The following UTP6 variants were observed in gnomAD, a reference collection of about 807,000 sequenced individuals.
UTP6 encodes the protein U3 small nucleolar RNA-associated protein 6 homolog.
In UTP6, 60 loss-of-function variants were observed where a neutral mutation model predicts 96.5. That is an observed-to-expected ratio of 0.62 (90% CI 0.51 to 0.77). The LOEUF (loss-of-function observed/expected upper bound fraction) is 0.77, where lower values mean the gene tolerates loss of function less well. Ranked by LOEUF, UTP6 falls within the 30% of genes least tolerant of loss-of-function variation. The pLI, the probability that UTP6 is intolerant of heterozygous loss-of-function variation, is 0.00. For missense variants in UTP6, 637 were observed against 706.5 expected (o/e 0.90, Z 1.12); for synonymous variants, 215 against 240.1 (o/e 0.90, Z 0.96).
chr17:31,879,063 A>T (rs1482559636), intron 11 of UTP6, among the ~76,000 whole-genome samples: 1 of 152,186 alleles, frequency 6.6e-6, no homozygotes, highest in Non-Finnish European at 1.5e-5. Flanking sequence ...CCTTTATTCT[A>T]CATTATTACA....
At position 31,868,133 on chromosome 17, in the gene UTP6, G is replaced by C. The variant is rs761434312; in HGVS notation, c.1497-21C>G. On this transcript the variant is annotated intron_variant, in intron 16 of 18. Transcript: ENST00000261708. ...GTAAACTAAAAAGGAAGGAGAAAAC[G>C]TTATCTTCAACAATGACAAAAAGCC... is the stretch of plus-strand genomic sequence containing the variant. 19 of 1,605,848 alleles carry C rather than the reference G, an allele frequency of 1.2e-5. No individual in the cohort carries two copies. The South Asian group carries it at 2.1e-4, about 18-fold the overall frequency.
intron 17 of UTP6, 30 bp from the exon 18 acceptor site, chr17:31,865,468 A>T (rs1397028788): frequency 6.2e-7 from 1 of 1,602,218 alleles, no homozygotes; most frequent in African/African-American, 1.3e-5. Context: ...TTGTCTCAAA[A>T]GCCTGATTTA....
chr17:31,891,153 T>G (rs1911469008), intron 6 of UTP6, among the ~76,000 whole-genome samples: 1 of 152,176 alleles, frequency 6.6e-6, no homozygotes, highest in Non-Finnish European at 1.5e-5. Context: ...TGACGCCTGA[T>G]TGGTAACCAC....
chr17:31,872,191 T>C (rs1034074657), intron 16 of UTP6, among the ~76,000 whole-genome samples: 2 of 151,172 alleles, frequency 1.3e-5, no homozygotes, highest in Non-Finnish European at 2.9e-5. Flanking sequence ...TGAGACTCCA[T>C]CTCAAAAAAA....
chr17:31,871,283 C>G lies in UTP6; in HGVS notation c.1496+2095G>C, dbSNP rs537041011. On this transcript the variant is annotated intron_variant, in intron 16 of 18. Coordinates refer to ENST00000261708, the MANE Select transcript of UTP6 (RefSeq NM_018428.3). ...CTAGGATTACAGGCATGAGCCACCG[C>G]ACCCGGCCTTTTAACTTTTCATAGA... is the stretch of plus-strand genomic sequence containing the variant. 1.7e-4 allele frequency among the ~76,000 whole-genome samples: 26 copies of G among 152,082 alleles called. No individual in the cohort carries two copies. In the South Asian group the frequency reaches 5.2e-3, roughly 30 times the overall value.
intron 17 of UTP6, among the ~76,000 whole-genome samples, chr17:31,867,569 C>T (rs1909898854): frequency 6.6e-6 from 1 of 151,502 alleles, no homozygotes; most frequent in African/African-American, 2.4e-5. Context: ...TTTCTCTTTG[C>T]TTGATTACCG....
chr17:31,877,844 G>C (rs1384299614), intron 13 of UTP6, among the ~76,000 whole-genome samples: 1 of 151,926 alleles, frequency 6.6e-6, no homozygotes, highest in Non-Finnish European at 1.5e-5. Flanking sequence ...GCATGCACCT[G>C]TGATCCCAGC....
At position 31,892,379 on chromosome 17, in the gene UTP6, C is replaced by T. The variant is rs959181921; in HGVS notation, c.361-56G>A. On this transcript the variant is annotated intron_variant, in intron 5 of 18. Coordinates refer to ENST00000261708, the MANE Select transcript of UTP6 (RefSeq NM_018428.3). ...GCACAGATAAATCATTGATCTTACT[C>T]TCTAAGTAATATGTACCCTAACTTT... 5 of 1,527,614 alleles carry T rather than the reference C, an allele frequency of 3.3e-6. No homozygotes were observed. The African/African-American group carries it at 5.5e-5, about 17-fold the overall frequency. The allele number at this position is 1,527,614 out of a possible 1,614,324, so 94.6% of individuals were successfully genotyped here.
chr17:31,867,658 C>T (rs533629927), intron 17 of UTP6, among the ~76,000 whole-genome samples: 27 of 151,760 alleles, frequency 1.8e-4, no homozygotes, highest in Admixed American at 1.4e-3. Context: ...GAGCTTTTTA[C>T]ATAACAAAAC....
chr17:31,885,055 AC>A (rs1311684807), intron 9 of UTP6: 2 of 153,254 alleles, frequency 1.3e-5, no homozygotes, highest in Non-Finnish European at 2.9e-5. Context: ...CAAAAAAAAA[AC>A]ATGGAAGGAT....
At chr17:31,889,059 A>T (rs2061370169) in intron 7 of UTP6, among the ~76,000 whole-genome samples, 1 of 150,428 alleles carries the variant, frequency 6.6e-6, no homozygotes, top group South Asian at 2.1e-4. Context: ...GCAACAGAGC[A>T]AGACTGTCTC....
At chr17:31,881,185 T>A (rs1042443225) in intron 10 of UTP6, among the ~76,000 whole-genome samples, 140 of 150,040 alleles carry the variant, frequency 9.3e-4, no homozygotes, top group African/African-American at 1.9e-3. Context: ...AAAAAAAAAA[T>A]ATATTTCCCA....
intron 6 of UTP6, 84 bp from the exon 7 acceptor site, chr17:31,889,487 C>A: frequency 4.9e-6 from 5 of 1,028,542 alleles, no homozygotes; most frequent in Non-Finnish European, 7.0e-6. Flanking sequence ...AATTTTAATA[C>A]TCGCACAATT....
intron 10 of UTP6, among the ~76,000 whole-genome samples, chr17:31,883,883 G>A (rs1172414039): frequency 3.2e-5 from 2 of 61,808 alleles, no homozygotes; most frequent in Non-Finnish European, 8.7e-5. Flanking sequence ...TGCCTAGGGT[G>A]GTCTCAAACC....
In UTP6 at chr17:31,878,762, G is replaced by T. The variant is rs536439152; in HGVS notation, c.987C>A (p.Tyr329Ter). The T allele has an allele frequency of 6.2e-7, 1 of 1,614,122 alleles. No homozygotes were observed. Among genetic ancestry groups the T allele is most frequent in the African/African-American group, 1.3e-5 (1 of 75,042 alleles). ...TLPTEAMWKC[Y>*]ITFCLERFTK... ...TAAATCTTTCCAAGCAAAAGGTGATGTAACACTTCCACATGGCCTCTGGAA... is the reference window on the plus strand; with the variant it reads ...TAAATCTTTCCAAGCAAAAGGTGATTTAACACTTCCACATGGCCTCTGGAA... The change falls in exon 12 of 19, where the codon TAC becomes TAA. Residue 329 changes from tyrosine to a stop codon, truncating the protein, a stop_gained. Coordinates refer to ENST00000261708, the MANE Select transcript of UTP6 (RefSeq NM_018428.3). LOFTEE classifies it high-confidence loss of function.
At position 31,892,779 on chromosome 17, in the gene UTP6, A is replaced by G. The variant is rs777105019; in HGVS notation, c.328T>C (p.Trp110Arg). The part of the protein sequence containing the change: ...SAKWKDDVQL[W>R]LSYVAFCKKW... ...TTACAAAAAGCCACATAGGAGAGCC[A>G]AAGTTGAACATCGTCCTGCAAGAAA... The change falls in exon 5 of 19, where the codon TGG (tryptophan) becomes CGG (arginine). Residue 110 changes from tryptophan (W) to arginine (R), a missense_variant. Trp to Arg is a moderately radical substitution (Grantham distance 101). Transcript: ENST00000261708. The G allele has an allele frequency of 1.2e-6, 2 of 1,614,182 alleles. No homozygotes were observed. Among genetic ancestry groups the G allele is most frequent in the Non-Finnish European group, 1.7e-6 (2 of 1,180,026 alleles).
At chr17:31,877,688 C>A (rs1910571709) in intron 13 of UTP6, among the ~76,000 whole-genome samples, 1 of 152,076 alleles carries the variant, frequency 6.6e-6, no homozygotes, top group Admixed American at 6.6e-5. Flanking sequence ...AAAAATTTGG[C>A]CAGGCATGAT....
intron 16 of UTP6, among the ~76,000 whole-genome samples, chr17:31,869,589 A>G (rs1249326041): frequency 6.6e-6 from 1 of 152,142 alleles, no homozygotes; most frequent in African/African-American, 2.4e-5. Flanking sequence ...GACTCAAGCA[A>G]TTCTCCCACC....
At position 31,878,644 on chromosome 17, in the gene UTP6, G is replaced by A; in HGVS notation, c.1047+58C>T. ...CAGACACCAAAAGATCTGTGCTTCT[G>A]TTCTTTCAGAAGGCAGTCACTATCT... On this transcript the variant is annotated intron_variant, in intron 12 of 18. Coordinates refer to ENST00000261708, the MANE Select transcript of UTP6 (RefSeq NM_018428.3). 3.3e-6 allele frequency: 5 copies of A among 1,503,354 alleles called. No individual in the cohort carries two copies. The South Asian group carries it at 5.7e-5, about 17-fold the overall frequency. 93.1% of individuals were successfully genotyped at this position (1,503,354 alleles called of 1,614,324 possible). A position where few individuals can be genotyped will look rare whatever the true frequency, so the allele number is the denominator to read the frequency against.
Sources: allele counts gnomAD v4.1 joint callset (sites outside exome capture counted in the v4.1 genomes callset), GRCh38; gene constraint gnomAD v4.1.1; transcripts MANE v1.5; gene names NCBI Gene and HGNC (gene_info 2026-07-23, HGNC 2026-07-21).